The following SLC25A24 variants were observed in gnomAD, a reference collection of about 807,000 sequenced individuals.
SLC25A24 encodes the protein mitochondrial adenyl nucleotide antiporter SLC25A24.
In SLC25A24, 49 loss-of-function variants were observed where a neutral mutation model predicts 60.7. The observed-to-expected ratio is 0.81, with a 90% CI of 0.64 to 1.02. The LOEUF is 1.02. Among genes scored for constraint, SLC25A24 ranks in the 50% least tolerant of loss-of-function variants. The pLI is 0.00. For synonymous variants in SLC25A24, 202 were observed against 200.6 expected (o/e 1.01, Z -0.06); for missense variants, 564 against 586.3 (o/e 0.96, Z 0.39).
intron 3 of SLC25A24, among the ~76,000 whole-genome samples, chr1:108,172,175 T>C (rs1027979870): frequency 2.0e-5 from 3 of 152,204 alleles, no homozygotes; most frequent in African/African-American, 7.2e-5. Flanking sequence ...AACACATGTT[T>C]CAGAGGGAAT....
chr1:108,198,496 C>A (rs983299296), intron 1 of SLC25A24: 4 of 152,184 alleles, frequency 2.6e-5, no homozygotes, highest in African/African-American at 9.7e-5. Context: ...ACATCCATTG[C>A]AATTTCACTT....
chr1:108,158,722 G>A (rs61797040), intron 4 of SLC25A24, among the ~76,000 whole-genome samples: 1 of 142,040 alleles, frequency 7.0e-6, no homozygotes, highest in Non-Finnish European at 1.5e-5. Context: ...AAAAAAAAAG[G>A]CCGGGCACAG....
chr1:108,160,739 G>A (rs1680047553), intron 4 of SLC25A24, among the ~76,000 whole-genome samples: 1 of 152,260 alleles, frequency 6.6e-6, no homozygotes, highest in Non-Finnish European at 1.5e-5. Context: ...CTCGCGGTCA[G>A]GAGCTGGAGA....
intron 4 of SLC25A24, among the ~76,000 whole-genome samples, chr1:108,158,462 T>C (rs1679962552): frequency 6.6e-6 from 1 of 152,138 alleles, no homozygotes; most frequent in African/African-American, 2.4e-5. Context: ...ATCAACTACC[T>C]TAAAAAATAC....
At chr1:108,182,904 C>G (rs1647980170) in intron 2 of SLC25A24, among the ~76,000 whole-genome samples, 2 of 151,986 alleles carry the variant, frequency 1.3e-5, no homozygotes, top group East Asian at 3.9e-4. Context: ...CAACAAAAGA[C>G]AGAAAATTTT....
At chr1:108,172,337 A>C (rs926614948) in intron 3 of SLC25A24, among the ~76,000 whole-genome samples, 1 of 152,118 alleles carries the variant, frequency 6.6e-6, no homozygotes, top group African/African-American at 2.4e-5. Flanking sequence ...TGTTGTTTTA[A>C]ACGAACACCT....
At chr1:108,138,495 G>A (rs984196078) in intron 9 of SLC25A24, among the ~76,000 whole-genome samples, 8 of 152,182 alleles carry the variant, frequency 5.3e-5, no homozygotes, top group African/African-American at 2.4e-5. Context: ...TTATCAATGG[G>A]CTGGCAGAAC....
chr1:108,162,080 AATG>A (rs1680103425), intron 3 of SLC25A24, among the ~76,000 whole-genome samples: 1 of 151,930 alleles, frequency 6.6e-6, no homozygotes, highest in Non-Finnish European at 1.5e-5. Context: ...GTTTACTGAG[AATG>A]ATGATTTCCA....
chr1:108,186,037 G>T, intron 1 of SLC25A24, 83 bp from the exon 2 acceptor site: 1 of 1,116,068 alleles, frequency 9.0e-7, no homozygotes, highest in Non-Finnish European at 1.3e-6. Flanking sequence ...AAGCAGATTA[G>T]CTGTTTTCCT....
chr1:108,167,345 T>C (rs1189778324), intron 3 of SLC25A24, among the ~76,000 whole-genome samples: 2 of 152,120 alleles, frequency 1.3e-5, no homozygotes, highest in African/African-American at 4.8e-5. Context: ...GGCTGCTTTG[T>C]TTACCTAAGC....
chr1:108,181,837 T>C (rs1182677426), intron 3 of SLC25A24, 104 bp downstream of exon 3: 3 of 780,210 alleles, frequency 3.8e-6, no homozygotes, highest in Non-Finnish European at 4.5e-6. Flanking sequence ...TGGATATACA[T>C]AATGAAGACT....
intron 8 of SLC25A24, 148 bp from the exon 9 acceptor site, chr1:108,139,356 G>C (rs1252117848): frequency 1.2e-6 from 1 of 802,876 alleles, no homozygotes; most frequent in Non-Finnish European, 1.9e-6. Flanking sequence ...GCAGGAGGCG[G>C]TGACTCTGTG....
At chr1:108,195,244 G>C (rs1274120000) in intron 1 of SLC25A24, among the ~76,000 whole-genome samples, 1 of 152,122 alleles carries the variant, frequency 6.6e-6, no homozygotes, top group African/African-American at 2.4e-5. Flanking sequence ...GGTGAGTTGG[G>C]GCCTTAAACA....
intron 3 of SLC25A24, among the ~76,000 whole-genome samples, chr1:108,169,189 AC>A (rs1647356196): frequency 6.6e-6 from 1 of 152,270 alleles, no homozygotes; most frequent in East Asian, 1.9e-4. Context: ...TTCTGTAGAA[AC>A]AGCACTGACT....
intron 3 of SLC25A24, among the ~76,000 whole-genome samples, chr1:108,161,587 A>G (rs920987120): frequency 2.6e-5 from 4 of 152,238 alleles, no homozygotes; most frequent in Non-Finnish European, 5.9e-5. Flanking sequence ...AAAAACTTGA[A>G]GATAAAATAT....
In SLC25A24 at chr1:108,181,962, TG is replaced by T; in HGVS notation, c.376del (p.Gln126LysfsTer4). The part of the protein sequence containing the change: ...QTLGLTISEQ[Q>X]AELILQSIDV... ...TTACCTTTGAAGAATCAACTCTGCT[TG>T]TTGTTCAGAAATAGTCAGACCCAGT... On this transcript the variant is annotated frameshift_variant, in exon 3 of 10. Coordinates refer to ENST00000565488, the MANE Select transcript of SLC25A24 (RefSeq NM_013386.5). LOFTEE classifies it high-confidence loss of function. 6.2e-7 allele frequency: 1 copy of T among 1,611,902 alleles called. No individual in the cohort carries two copies.
intron 3 of SLC25A24, among the ~76,000 whole-genome samples, chr1:108,165,256 A>C (rs1276013746): frequency 6.6e-6 from 1 of 152,122 alleles, no homozygotes; most frequent in East Asian, 1.9e-4. Context: ...GTGCTGAAAA[A>C]AATGTATATT....
intron 4 of SLC25A24, among the ~76,000 whole-genome samples, chr1:108,159,487 T>G (rs1246278718): frequency 6.7e-6 from 1 of 148,910 alleles, no homozygotes; most frequent in African/African-American, 2.5e-5. Context: ...TTTTTTTAAT[T>G]GATCATTCTT....
At chr1:108,154,450 TA>T (rs946234392) in intron 6 of SLC25A24, among the ~76,000 whole-genome samples, 1 of 152,280 alleles carries the variant, frequency 6.6e-6, no homozygotes, top group Admixed American at 6.5e-5. Context: ...GATTCAGAGG[TA>T]AATGCATTTG....
Sources: allele counts gnomAD v4.1 joint callset (sites outside exome capture counted in the v4.1 genomes callset), GRCh38; gene constraint gnomAD v4.1.1; transcripts MANE v1.5; gene names NCBI Gene and HGNC (gene_info 2026-07-23, HGNC 2026-07-21).